The following MAPKAPK3 variants were observed in gnomAD, a reference collection of about 807,000 sequenced individuals.
The protein encoded by MAPKAPK3 is MAP kinase-activated protein kinase 3.
MAPKAPK3 carries 35 observed loss-of-function variants against 49.2 expected under a neutral mutation model. That is an observed-to-expected ratio of 0.71 (90% CI 0.54 to 0.94). MAPKAPK3 has a LOEUF of 0.94. Ranked by LOEUF, MAPKAPK3 falls within the 40% of genes least tolerant of loss-of-function variation. The pLI is 0.00. For missense variants in MAPKAPK3, 398 were observed against 493.1 expected, an observed-to-expected ratio of 0.81 and a Z score of 1.83; for synonymous variants, 178 against 188.7, an observed-to-expected ratio of 0.94 and a Z score of 0.46.
chr3:50,633,882 C>T (rs1284455246), intron 2 of MAPKAPK3, among the ~76,000 whole-genome samples: 1 of 152,226 alleles, frequency 6.6e-6, no homozygotes, highest in Non-Finnish European at 1.5e-5. Context: ...AGAATTCCTC[C>T]ACCCACAAGT....
At chr3:50,628,744 G>T (rs996029141) in intron 2 of MAPKAPK3, among the ~76,000 whole-genome samples, 1 of 152,146 alleles carries the variant, frequency 6.6e-6, no homozygotes, top group African/African-American at 2.4e-5. Context: ...TAGAACCTCT[G>T]GGGGAGGGGA....
rs1261780420 is a variant in MAPKAPK3, at chr3:50,640,357, C to A, written c.220-9C>A. 5.6e-6 allele frequency: 9 copies of A among 1,611,472 alleles called. No homozygotes were observed. The highest frequency in any genetic ancestry group is 1.7e-5 in the Admixed American group (1 of 59,660). On this transcript the variant is annotated splice_polypyrimidine_tract_variant and intron_variant, in intron 2 of 10. Coordinates refer to ENST00000621469, the MANE Select transcript of MAPKAPK3 (RefSeq NM_001243925.2). ...GAGCCTGACACTTTCTATGTGCACC[C>A]ACCTACAGCTCCTGTATGACAGCCC...
chr3:50,647,841 C>G (rs1380730306), intron 10 of MAPKAPK3, 53 bp from the exon 11 acceptor site: 1 of 1,546,846 alleles, frequency 6.5e-7, no homozygotes, highest in African/African-American at 1.4e-5. Flanking sequence ...GTGATGGTTC[C>G]TAAGGTCAGT....
chr3:50,647,925 G>A lies in MAPKAPK3; in HGVS notation c.1028G>A (p.Arg343Gln), dbSNP rs1221769570. ...EEMTSALATM[R>Q]VDYDQVKIKD... ...ATGACCAGTGCCTTGGCCACTATGC[G>A]GGTAGACTACGACCAGGTGAAGATC... The change falls in exon 11 of 11, where the codon CGG (arginine) becomes CAG (glutamine). Residue 343 changes from arginine (R) to glutamine (Q), a missense_variant. Arg to Gln is a conservative substitution (Grantham distance 43). Coordinates refer to ENST00000621469, the MANE Select transcript of MAPKAPK3 (RefSeq NM_001243925.2). The A allele has an allele frequency of 6.2e-6, 10 of 1,613,792 alleles. No individual in the cohort carries two copies. The highest frequency in any genetic ancestry group is 8.5e-6 in the Non-Finnish European group (10 of 1,179,950).
intron 2 of MAPKAPK3, among the ~76,000 whole-genome samples, chr3:50,634,490 T>C (rs1007905477): frequency 1.3e-5 from 2 of 150,406 alleles, no homozygotes; most frequent in African/African-American, 4.9e-5. Context: ...ATCTTCTTCT[T>C]CTTTTTTTTT....
chr3:50,638,962 A>G (rs1451913139), intron 2 of MAPKAPK3, among the ~76,000 whole-genome samples: 2 of 152,092 alleles, frequency 1.3e-5, no homozygotes, highest in East Asian at 1.9e-4. Flanking sequence ...TGAGTGAGCA[A>G]CCCTTTTTGG....
chr3:50,623,663 A>G (rs543798785), intron 2 of MAPKAPK3, among the ~76,000 whole-genome samples: 2 of 152,238 alleles, frequency 1.3e-5, no homozygotes, highest in African/African-American at 4.8e-5. Flanking sequence ...CACTCCCATT[A>G]TATGGATGAG....
Position 50,640,348 on chromosome 3 carries a change from A to C in MAPKAPK3, c.220-18A>C, listed in dbSNP as rs2033146521. 1.2e-6 allele frequency: 2 copies of C among 1,608,462 alleles called. No individual in the cohort carries two copies. Among genetic ancestry groups the C allele is most frequent in the Non-Finnish European group, 1.7e-6 (2 of 1,176,686 alleles). The stretch of plus-strand genomic sequence containing the variant: ...GAGGGCTCTGAGCCTGACACTTTCT[A>C]TGTGCACCCACCTACAGCTCCTGTA... On this transcript the variant is annotated intron_variant, in intron 2 of 10. Transcript: ENST00000621469.
intron 3 of MAPKAPK3, 30 bp downstream of exon 3, chr3:50,640,535 C>T: frequency 6.4e-7 from 1 of 1,574,188 alleles, no homozygotes; most frequent in Non-Finnish European, 8.7e-7. Flanking sequence ...CTCCACACCC[C>T]CTCGGCATCC....
At chr3:50,634,644 A>C (rs949216792) in intron 2 of MAPKAPK3, among the ~76,000 whole-genome samples, 1 of 152,086 alleles carries the variant, frequency 6.6e-6, no homozygotes, top group East Asian at 1.9e-4. Context: ...GCGTACCACC[A>C]CACCCAGCTA....
intron 2 of MAPKAPK3, among the ~76,000 whole-genome samples, chr3:50,636,795 T>G (rs879684784): frequency 1.6e-4 from 25 of 152,114 alleles, no homozygotes; most frequent in Non-Finnish European, 3.2e-4. Context: ...TAGGAGGTTT[T>G]GGGCTCAGGG....
intron 4 of MAPKAPK3, 85 bp from the exon 5 acceptor site, chr3:50,642,168 G>A: frequency 2.2e-6 from 2 of 896,844 alleles, no homozygotes; most frequent in Admixed American, 1.8e-5. Context: ...GTGCTGGCCT[G>A]TTAGACTGTG....
At chr3:50,628,917 C>T (rs551345907) in intron 2 of MAPKAPK3, among the ~76,000 whole-genome samples, 25 of 152,268 alleles carry the variant, frequency 1.6e-4, no homozygotes, top group African/African-American at 5.3e-4. Context: ...CAAAAGGATG[C>T]GCAGAGTTGT....
At chr3:50,644,273 G>A in intron 5 of MAPKAPK3, 136 bp from the exon 6 acceptor site, 1 of 1,007,132 alleles carries the variant, frequency 9.9e-7, no homozygotes, top group Non-Finnish European at 1.5e-6. Flanking sequence ...AGTGGGCAAG[G>A]CCCGGGTCTT....
intron 3 of MAPKAPK3, 142 bp from the exon 4 acceptor site, chr3:50,641,565 G>A: frequency 1.4e-6 from 1 of 722,952 alleles, no homozygotes; most frequent in Non-Finnish European, 2.5e-6. Flanking sequence ...TTCTACAAGG[G>A]ACAGGGAGGC....
Position 50,642,302 on chromosome 3 carries a change from C to G in MAPKAPK3, c.474C>G (p.His158Gln). ...RDIGTAIQFLHSHNIAHRDVK... is the reference protein window; with the variant it reads ...RDIGTAIQFLQSHNIAHRDVK... ...TTGGCACTGCCATCCAGTTTCTGCACAGCCATAACATTGCCCACCGAGATG... is the reference window on the plus strand; with the variant it reads ...TTGGCACTGCCATCCAGTTTCTGCAGAGCCATAACATTGCCCACCGAGATG... The change falls in exon 5 of 11, where the codon CAC (histidine) becomes CAG (glutamine). Residue 158 changes from histidine to glutamine, a missense_variant. Around this residue, in one of 5 missense-constraint regions of MAPKAPK3, gnomAD observed 41 missense variants for 35.8 expected, o/e 1.15. Transcript: ENST00000621469. The G allele has an allele frequency of 1.9e-6, 3 of 1,602,886 alleles. No individual in the cohort carries two copies. Among genetic ancestry groups the G allele is most frequent in the Non-Finnish European group, 1.7e-6 (2 of 1,175,606 alleles).
At chr3:50,638,305 G>A (rs1478273879) in intron 2 of MAPKAPK3, among the ~76,000 whole-genome samples, 1 of 152,176 alleles carries the variant, frequency 6.6e-6, no homozygotes, top group African/African-American at 2.4e-5. Context: ...GGCTCCTGTG[G>A]CTGAGGATTG....
intron 10 of MAPKAPK3, 134 bp from the exon 11 acceptor site, chr3:50,647,760 T>C (rs897431375): frequency 2.4e-6 from 2 of 817,490 alleles, no homozygotes; most frequent in Non-Finnish European, 2.0e-6. Context: ...CTTGGCCCAG[T>C]GCTGGGCACA....
rs1315285299 is a variant in MAPKAPK3, at chr3:50,645,747, A to C, written c.666A>C (p.Ser222=). 1 of 1,613,980 alleles carries C rather than the reference A, an allele frequency of 6.2e-7. No individual in the cohort carries two copies. The highest frequency in any genetic ancestry group is 8.5e-7 in the Non-Finnish European group (1 of 1,179,998). The change falls in exon 7 of 11, where the codon TCA becomes TCC. Residue 222 remains serine, a synonymous_variant. Coordinates refer to ENST00000621469, the MANE Select transcript of MAPKAPK3 (RefSeq NM_001243925.2). ...TGGGTCCAGAGAAGTATGACAAGTCATGTGACATGTGGTCCCTGGGTGTCA... is the reference window on the plus strand; with the variant it reads ...TGGGTCCAGAGAAGTATGACAAGTCCTGTGACATGTGGTCCCTGGGTGTCA... ...EVLGPEKYDK[S]CDMWSLGVIM...
Sources: gnomAD v4.1 joint callset for allele counts (sites outside exome capture counted in the v4.1 genomes callset) on GRCh38, gnomAD v4.1.1 for gene constraint, gnomAD v4.1.1 regional missense constraint, MANE v1.5 for transcripts, NCBI Gene and HGNC (gene_info 2026-07-23, HGNC 2026-07-21) for gene names.